GNA12: variants seen among roughly 807,000 people sequenced by gnomAD.
GNA12 encodes G protein subunit alpha 12.
GNA12 carries 9 observed loss-of-function variants against 26.0 expected under a neutral mutation model. That is an observed-to-expected ratio of 0.35 (90% CI 0.21 to 0.60). The LOEUF (loss-of-function observed/expected upper bound fraction) is 0.60, where lower values mean the gene tolerates loss of function less well. GNA12 is among the 20% of genes least tolerant of loss of function. GNA12 has a pLI of 0.78. For synonymous variants in GNA12, 264 were observed against 219.6 expected, an observed-to-expected ratio of 1.20 and a Z score of -1.79; for missense variants, 405 against 525.8, an observed-to-expected ratio of 0.77 and a Z score of 2.25.
chr7:2,740,787 A>G (rs902656551), intron 2 of GNA12, among the ~76,000 whole-genome samples: 1 of 152,178 alleles, frequency 6.6e-6, no homozygotes, highest in African/African-American at 2.4e-5. Flanking sequence ...ACTCATGCCT[A>G]TAATCCCAGC....
chr7:2,798,818 A>G (rs564248718), intron 1 of GNA12, among the ~76,000 whole-genome samples: 1 of 152,264 alleles, frequency 6.6e-6, no homozygotes, highest in Non-Finnish European at 1.5e-5. Flanking sequence ...TCAATGGAAC[A>G]TAACAGAGAA....
rs554427715 is a variant in GNA12 at position 2,762,555 on chromosome 7, G to T, written c.526-29054C>A. 257 of 1,385,398 alleles carry T rather than the reference G, an allele frequency of 1.9e-4. 1 individual carries two copies. Among genetic ancestry groups the T allele is most frequent in the African/African-American group, 1.2e-3 (82 of 68,874 alleles). The allele number at this position is 1,385,398 out of a possible 1,614,324, so 85.8% of individuals were successfully genotyped here. A position where few individuals can be genotyped will look rare whatever the true frequency, so the allele number is the denominator to read the frequency against. ...CACCACGCCTTCTATTCTGGAGTTA[G>T]ATCCAATGACATTTCCTGAAAATTA... is the stretch of plus-strand genomic sequence containing the variant. On this transcript the variant is annotated intron_variant, in intron 2 of 3. Coordinates refer to ENST00000275364, the MANE Select transcript of GNA12 (RefSeq NM_007353.3).
intron 2 of GNA12, chr7:2,763,195 CA>C: frequency 8.7e-6 from 1 of 114,684 alleles, no homozygotes; most frequent in Non-Finnish European, 1.7e-5. Flanking sequence ...CACCCCAACA[CA>C]CACACACACA....
chr7:2,837,864 T>A (rs2114980331), intron 1 of GNA12, among the ~76,000 whole-genome samples: 1 of 152,206 alleles, frequency 6.6e-6, no homozygotes, highest in East Asian at 1.9e-4. Flanking sequence ...ACAATTTTAT[T>A]CAGTCAAAAG....
At chr7:2,783,670 ATTTATTT>A (rs944398512) in intron 2 of GNA12, among the ~76,000 whole-genome samples, 1 of 106,284 alleles carries the variant, frequency 9.4e-6, no homozygotes, top group African/African-American at 4.1e-5. Flanking sequence ...TTATTTATTT[ATTTATTT>A]ATTTATTTAT....
intron 2 of GNA12, chr7:2,762,503 CCTAA>C (rs1215624309): frequency 3.3e-6 from 3 of 895,962 alleles, no homozygotes; most frequent in African/African-American, 1.7e-5. Flanking sequence ...GTGTGAGTAG[CCTAA>C]CTGTGGACTA....
At position 2,731,038 on chromosome 7, in the gene GNA12, G is replaced by C; in HGVS notation, c.*143C>G. ...TTGCCTAGAGCTCGCTGGCTGGCTG[G>C]TCTGACAGCATTCCTGAGCCAGGTA... On this transcript the variant is annotated 3_prime_UTR_variant, in exon 4 of 4. Transcript: ENST00000275364. The surrounding 1 kb of genome is among the most constrained non-coding windows in gnomAD (Gnocchi z 6.0). 3 of 595,216 alleles carry C rather than the reference G, an allele frequency of 5.0e-6. No homozygotes were observed. Among genetic ancestry groups the C allele is most frequent in the Non-Finnish European group, 5.9e-6 (2 of 337,262 alleles). 36.9% of individuals were successfully genotyped at this position (595,216 alleles called of 1,614,324 possible). A position where few individuals can be genotyped will look rare whatever the true frequency, so the allele number is the denominator to read the frequency against.
chr7:2,751,727 C>G (rs548662547), intron 2 of GNA12, among the ~76,000 whole-genome samples: 1 of 152,174 alleles, frequency 6.6e-6, no homozygotes, highest in Non-Finnish European at 1.5e-5. Context: ...GAGAATGTTC[C>G]AAACAACTTT....
chr7:2,811,167 C>G (rs111838457), intron 1 of GNA12, among the ~76,000 whole-genome samples: 2,535 of 152,294 alleles, frequency 0.017, 45 homozygotes, highest in Middle Eastern at 0.075. Context: ...GCTGTGCACA[C>G]GTGGGCTCCA....
chr7:2,826,343 C>CTCCA (rs1490570674), intron 1 of GNA12, among the ~76,000 whole-genome samples: 3 of 146,344 alleles, frequency 2.0e-5, no homozygotes, highest in East Asian at 4.0e-4. Context: ...CGCCACTGTA[C>CTCCA]TCCAGCCTGG....
At chr7:2,830,750 A>G (rs1793587264) in intron 1 of GNA12, among the ~76,000 whole-genome samples, 1 of 152,202 alleles carries the variant, frequency 6.6e-6, no homozygotes, top group African/African-American at 2.4e-5. Context: ...CGGAGGATCA[A>G]AGACATAACA....
chr7:2,791,058 C>A (rs1792505617), intron 2 of GNA12, among the ~76,000 whole-genome samples: 1 of 151,634 alleles, frequency 6.6e-6, no homozygotes, highest in South Asian at 2.1e-4. Flanking sequence ...TAGGCAATAT[C>A]ATCCACATAC....
At chr7:2,743,730 C>T (rs1477353077) in intron 2 of GNA12, among the ~76,000 whole-genome samples, 1 of 152,200 alleles carries the variant, frequency 6.6e-6, no homozygotes, top group East Asian at 1.9e-4. Context: ...GAGGCACTGC[C>T]TCACTCGGGA....
chr7:2,782,647 T>C (rs886829740), intron 2 of GNA12, among the ~76,000 whole-genome samples: 6 of 152,114 alleles, frequency 3.9e-5, no homozygotes, highest in African/African-American at 9.7e-5. Flanking sequence ...ATTATGTCTA[T>C]AGTGTTTTGG....
At chr7:2,766,123 C>T (rs1041553878) in intron 2 of GNA12, among the ~76,000 whole-genome samples, 4 of 152,134 alleles carry the variant, frequency 2.6e-5, no homozygotes, top group African/African-American at 9.7e-5. Context: ...ACTCCCATTT[C>T]CCCCCATCTG....
chr7:2,808,982 C>T (rs546626525), intron 1 of GNA12, among the ~76,000 whole-genome samples: 3 of 152,356 alleles, frequency 2.0e-5, no homozygotes, highest in East Asian at 3.9e-4. Context: ...GCACGGCTCA[C>T]TTCCTCAATG....
intron 1 of GNA12, chr7:2,814,746 A>T (rs2644274): frequency 0.4 from 320,996 of 796,718 alleles, 66,570 homozygotes; most frequent in Admixed American, 0.49. Context: ...CCTTCCACAG[A>T]AGTTTATCAG....
At position 2,733,437 on chromosome 7, in the gene GNA12, G is replaced by T; in HGVS notation, c.576+14C>A. 1 of 1,611,960 alleles carries T rather than the reference G, an allele frequency of 6.2e-7. No individual in the cohort carries two copies. The highest frequency in any genetic ancestry group is 8.5e-7 in the Non-Finnish European group (1 of 1,178,434). On this transcript the variant is annotated intron_variant, in intron 3 of 3. Coordinates refer to ENST00000275364, the MANE Select transcript of GNA12 (RefSeq NM_007353.3). ...CCTGGAGCCCAGCTTCTTCGGGCGG[G>T]CGTGCTTACTCACCAGCTGGCCGAT...
chr7:2,758,324 C>T (rs1010777780), intron 2 of GNA12, among the ~76,000 whole-genome samples: 52 of 152,300 alleles, frequency 3.4e-4, no homozygotes, highest in African/African-American at 1.3e-3. Flanking sequence ...ATTCGCCATC[C>T]AAGTGATGAC....
Sources: allele counts gnomAD v4.1 joint callset (sites outside exome capture counted in the v4.1 genomes callset), GRCh38; gene constraint gnomAD v4.1.1; non-coding constraint Gnocchi (gnomAD v3.1); transcripts MANE v1.5; gene names NCBI Gene and HGNC (gene_info 2026-07-23, HGNC 2026-07-21).